The following COPB2 variants were observed in gnomAD, a reference collection of about 807,000 sequenced individuals.
COPB2 encodes the protein coatomer subunit beta'.
COPB2 carries 16 observed loss-of-function variants against 120.8 expected under a neutral mutation model. The observed-to-expected ratio is 0.13, with a 90% CI of 0.09 to 0.20. The LOEUF (loss-of-function observed/expected upper bound fraction) is 0.20, where lower values mean the gene tolerates loss of function less well. COPB2 is among the 10% of genes least tolerant of loss of function. COPB2 has a pLI of 1.00. For missense variants in COPB2, 794 were observed against 1,076.5 expected, an observed-to-expected ratio of 0.74 and a Z score of 3.67; for synonymous variants, 332 against 366.3, an observed-to-expected ratio of 0.91 and a Z score of 1.07.
At chr3:139,389,441 C>T (rs532979567) in intron 1 of COPB2, 107 bp downstream of exon 1, 4 of 1,370,726 alleles carry the variant, frequency 2.9e-6, no homozygotes, top group Admixed American at 5.5e-5. Flanking sequence ...AGGCGGCGGC[C>T]GCAGCGGGAG....
In COPB2 at chr3:139,366,652, C is replaced by T. The variant is rs995932821; in HGVS notation, c.1800G>A (p.Arg600=). 31 of 1,613,982 alleles carry T rather than the reference C, an allele frequency of 1.9e-5. No homozygotes were observed. The highest frequency in any genetic ancestry group is 2.5e-5 in the Non-Finnish European group (30 of 1,179,994). Residue 600 remains arginine (R), a synonymous_variant, in exon 15 of 22, where the codon CGG becomes CGA. Coordinates refer to ENST00000333188, the MANE Select transcript of COPB2 (RefSeq NM_004766.3). ...SVLEYQTAVM[R]RDFSMADKVL... ...CCTTATCAGCCATGCTAAAGTCCCT[C>T]CGCATGACAGCTGTCTGGTATTCCA...
At chr3:139,371,156 A>C (rs1319678439) in intron 10 of COPB2, among the ~76,000 whole-genome samples, 1 of 152,258 alleles carries the variant, frequency 6.6e-6, no homozygotes, top group Non-Finnish European at 1.5e-5. Context: ...ACTAGTAAAA[A>C]AGTCAGAGTT....
chr3:139,359,342 A>C lies in COPB2; in HGVS notation c.2231T>G (p.Leu744Arg). Residue 744 changes from leucine to arginine, a missense_variant, in exon 18 of 22, where the codon CTC becomes CGC. Transcript: ENST00000333188. ...TGGCAGCCGTCCAGTTCTAATTAAG[A>C]GCTCTAGGCAGGCATCAACCCTAAA... ...LQGKVDACLELLIRTGRLPEA... is the reference protein window; with the variant it reads ...LQGKVDACLERLIRTGRLPEA... The C allele has an allele frequency of 6.2e-7, 1 of 1,614,128 alleles. No individual in the cohort carries two copies. Among genetic ancestry groups the C allele is most frequent in the East Asian group, 2.2e-5 (1 of 44,882 alleles).
At chr3:139,365,019 A>G (rs1238300438) in intron 15 of COPB2, among the ~76,000 whole-genome samples, 2 of 152,368 alleles carry the variant, frequency 1.3e-5, no homozygotes, top group African/African-American at 4.8e-5. Context: ...TCTATAAACA[A>G]TAAGATTTTA....
chr3:139,373,865 G>T, intron 7 of COPB2, 57 bp from the exon 8 acceptor site: 1 of 1,599,340 alleles, frequency 6.3e-7, no homozygotes, highest in Non-Finnish European at 8.5e-7. Context: ...AATAAACTGT[G>T]TCAGGTGAAA....
intron 2 of COPB2, chr3:139,383,030 T>A: frequency 2.3e-6 from 1 of 434,482 alleles, no homozygotes; most frequent in Non-Finnish European, 4.1e-6. Context: ...TATAATACCA[T>A]CAGTTTTCTC....
At chr3:139,362,545 AT>A in intron 15 of COPB2, 28 bp from the exon 16 acceptor site, 2 of 1,434,660 alleles carry the variant, frequency 1.4e-6, no homozygotes, top group Non-Finnish European at 9.5e-7. Flanking sequence ...AATTATATAT[AT>A]TTATGCATAC....
intron 12 of COPB2, among the ~76,000 whole-genome samples, chr3:139,368,984 T>G (rs1941574017): frequency 6.6e-6 from 1 of 152,226 alleles, no homozygotes. Flanking sequence ...TCTGACTTCT[T>G]GTTCTCAAAG....
intron 1 of COPB2, among the ~76,000 whole-genome samples, chr3:139,388,794 T>A (rs1323140944): frequency 2.9e-5 from 1 of 34,538 alleles, no homozygotes; most frequent in East Asian, 1.9e-3. Context: ...CCCGGCTAAT[T>A]TCTTTTTTTT....
intron 1 of COPB2, among the ~76,000 whole-genome samples, chr3:139,387,270 G>GA (rs1941942798): frequency 6.7e-6 from 1 of 148,818 alleles, no homozygotes; most frequent in Non-Finnish European, 1.5e-5. Flanking sequence ...AAAAGAAAAA[G>GA]AAAAGAAAGA....
intron 9 of COPB2, among the ~76,000 whole-genome samples, chr3:139,372,798 A>G (rs1235273638): frequency 5.3e-5 from 8 of 152,212 alleles, no homozygotes; most frequent in Non-Finnish European, 1.2e-4. Context: ...ATCAATCCCA[A>G]AACTTTTTCA....
At chr3:139,367,480 G>A (rs1941539942) in intron 13 of COPB2, among the ~76,000 whole-genome samples, 1 of 151,930 alleles carries the variant, frequency 6.6e-6, no homozygotes, top group South Asian at 2.1e-4. Context: ...TAGAGACAGG[G>A]TTTCACCATG....
At position 139,378,194 on chromosome 3, in the gene COPB2, G is replaced by T; in HGVS notation, c.356-5C>A. 1 of 1,534,478 alleles carries T rather than the reference G, an allele frequency of 6.5e-7. No homozygotes were observed. The highest frequency in any genetic ancestry group is 8.9e-7 in the Non-Finnish European group (1 of 1,124,622). ...AGAGCTTAATAAGCATGTCATCTAG[G>T]CCAAAAGAAAGTCTCAAGTTAGTTG... On this transcript the variant is annotated splice_region_variant and splice_polypyrimidine_tract_variant and intron_variant, in intron 4 of 21. Coordinates refer to ENST00000333188, the MANE Select transcript of COPB2 (RefSeq NM_004766.3).
intron 15 of COPB2, among the ~76,000 whole-genome samples, chr3:139,362,898 C>A (rs912503437): frequency 1.3e-5 from 2 of 152,214 alleles, no homozygotes; most frequent in African/African-American, 4.8e-5. Flanking sequence ...AAACTAGGCA[C>A]AGCAGTGTAA....
intron 15 of COPB2, among the ~76,000 whole-genome samples, chr3:139,364,520 C>T (rs1043141596): frequency 2.0e-5 from 3 of 152,072 alleles, no homozygotes. Context: ...CTACTGAGAC[C>T]CCAAAATGAT....
At chr3:139,375,943 G>T (rs528986375) in intron 5 of COPB2, among the ~76,000 whole-genome samples, 38 of 152,204 alleles carry the variant, frequency 2.5e-4, no homozygotes, top group Non-Finnish European at 4.6e-4. Context: ...CATGAAAGTA[G>T]ATTTAGTAAG....
At position 139,358,271 on chromosome 3, in the gene COPB2, C is replaced by T. The variant is rs1397596479; in HGVS notation, c.2554G>A (p.Glu852Lys). Residue 852 changes from glutamate (E) to lysine (K), a missense_variant and splice_region_variant, in exon 21 of 22, where the codon GAA becomes AAA. Glu to Lys is a moderately conservative substitution (Grantham distance 56, BLOSUM62 1). Around this residue, in one of 3 missense-constraint regions of COPB2, gnomAD observed 178 missense variants for 183.2 expected, o/e 0.97. Coordinates refer to ENST00000333188, the MANE Select transcript of COPB2 (RefSeq NM_004766.3). The part of the protein sequence containing the change: ...FQPSRSTAQQ[E>K]LDGKPASPTP... ...GGAGAAGCAGGTTTCCCATCAAGTT[C>T]CTGAAACCACAAGTGAAGATATATA... 1 of 1,613,290 alleles carries T rather than the reference C, an allele frequency of 6.2e-7. No individual in the cohort carries two copies. Among genetic ancestry groups the T allele is most frequent in the South Asian group, 1.1e-5 (1 of 91,044 alleles).
intron 16 of COPB2, among the ~76,000 whole-genome samples, chr3:139,362,145 AATAGAGC>A (rs1459906577): frequency 6.6e-6 from 1 of 152,208 alleles, no homozygotes; most frequent in East Asian, 1.9e-4. Context: ...TATCTTGCAA[AATAGAGC>A]TCACATAAGA....
intron 4 of COPB2, 93 bp from the exon 5 acceptor site, chr3:139,378,282 A>G (rs1404138849): frequency 1.7e-6 from 2 of 1,193,280 alleles, no homozygotes; most frequent in African/African-American, 3.0e-5. Context: ...CCTAACACAA[A>G]CCATATAATC....
Sources: allele counts gnomAD v4.1 joint callset (sites outside exome capture counted in the v4.1 genomes callset), GRCh38; gene constraint gnomAD v4.1.1; regional missense constraint gnomAD v4.1.1; transcripts MANE v1.5; gene names NCBI Gene and HGNC (gene_info 2026-07-23, HGNC 2026-07-21).